Variants in OSBPL10 observed in about 807,000 individuals in gnomAD.
OSBPL10 encodes the protein oxysterol-binding protein-related protein 10.
A neutral mutation model predicts 81.7 loss-of-function variants in OSBPL10; 49 were observed. The ratio of observed to expected loss-of-function variants is 0.60; its 90% CI spans 0.48 to 0.76. OSBPL10 has a LOEUF of 0.76. OSBPL10 is among the 30% of genes least tolerant of loss of function. The pLI is 0.00. For synonymous variants in OSBPL10, 419 were observed against 383.6 expected (o/e 1.09, Z -1.08); for missense variants, 923 against 987.8 (o/e 0.93, Z 0.88).
chr3:31,805,860 G>A (rs1027889713), intron 4 of OSBPL10, among the ~76,000 whole-genome samples: 7 of 152,166 alleles, frequency 4.6e-5, no homozygotes, highest in African/African-American at 1.2e-4. Flanking sequence ...TTACAATAAC[G>A]ATGACGATGG....
chr3:31,851,778 A>AC (rs972074601), intron 3 of OSBPL10, among the ~76,000 whole-genome samples: 8 of 152,064 alleles, frequency 5.3e-5, no homozygotes, highest in African/African-American at 1.9e-4. Context: ...AAAGTTCAGA[A>AC]CCCCCTCCAT....
intron 2 of OSBPL10, among the ~76,000 whole-genome samples, chr3:32,016,894 C>T (rs1256883433): frequency 2.0e-5 from 3 of 152,072 alleles, no homozygotes; most frequent in Non-Finnish European, 2.9e-5. Context: ...AATGAGAGAC[C>T]GTATGTAAAG....
intron 4 of OSBPL10, among the ~76,000 whole-genome samples, chr3:31,820,882 T>C (rs779303622): frequency 7.2e-5 from 11 of 152,126 alleles, no homozygotes; most frequent in Non-Finnish European, 1.6e-4. Context: ...CAGTGGGAAA[T>C]CACTCATTTA....
chr3:32,003,982 A>G (rs1408513989), intron 2 of OSBPL10, among the ~76,000 whole-genome samples: 3 of 152,186 alleles, frequency 2.0e-5, no homozygotes, highest in Non-Finnish European at 4.4e-5. Flanking sequence ...AAAGTGAGAT[A>G]AAAGGAGTTG....
intron 1 of OSBPL10, among the ~76,000 whole-genome samples, chr3:31,898,471 A>AT (rs960752199): frequency 6.6e-5 from 10 of 152,084 alleles, no homozygotes; most frequent in African/African-American, 2.4e-4. Flanking sequence ...CTGGCCACAC[A>AT]TGGTGGCTCA....
chr3:31,970,560 T>G (rs936225315), intron 1 of OSBPL10, among the ~76,000 whole-genome samples: 7 of 152,212 alleles, frequency 4.6e-5, no homozygotes, highest in African/African-American at 1.7e-4. Flanking sequence ...AAATACAGTT[T>G]TATTTTTGAC....
intron 1 of OSBPL10, chr3:31,907,134 A>C (rs1696429506): frequency 6.6e-6 from 1 of 152,216 alleles, no homozygotes; most frequent in Admixed American, 6.5e-5. Flanking sequence ...ACCAGGGAGT[A>C]AAAGCAATAG....
rs1246425540 is a variant in OSBPL10, at chr3:31,740,792, AAAAG to A, written c.940+7114_940+7117del. 2.1e-4 allele frequency among the ~76,000 whole-genome samples: 31 copies of A among 148,548 alleles called. 1 individual carries two copies. Among genetic ancestry groups the A allele is most frequent in the Admixed American group, 2.7e-4 (4 of 14,992 alleles). On this transcript the variant is annotated intron_variant, in intron 5 of 11. Transcript: ENST00000396556. ...GACTCCGTATCTCAAAAAAAAGAAA[AAAAG>A]AAAGAAAGAAAGAAAAGAAAAGAAT...
At chr3:31,766,798 C>T (rs1410803046) in intron 4 of OSBPL10, among the ~76,000 whole-genome samples, 3 of 152,204 alleles carry the variant, frequency 2.0e-5, no homozygotes, top group Admixed American at 6.5e-5. Flanking sequence ...AAACTTAATG[C>T]TGGCATGACA....
intron 6 of OSBPL10, among the ~76,000 whole-genome samples, chr3:31,706,086 T>C (rs939980198): frequency 6.6e-6 from 1 of 152,204 alleles, no homozygotes; most frequent in African/African-American, 2.4e-5. Flanking sequence ...ACAATATTTC[T>C]ACCACACAAG....
chr3:31,674,315 A>C lies in OSBPL10; in HGVS notation c.1727-3332T>G, dbSNP rs142852056. On this transcript the variant is annotated intron_variant, in intron 8 of 11. Coordinates refer to ENST00000396556, the MANE Select transcript of OSBPL10 (RefSeq NM_017784.5). ...ACTCCTGTAATCCCAGCACTTTGGG[A>C]GGTGGAAGTGGGAGGATGGCTTGAG... 2.5e-4 allele frequency among the ~76,000 whole-genome samples: 38 copies of C among 152,046 alleles called. 1 individual carries two copies. In the East Asian group the frequency reaches 7.4e-3, roughly 30 times the overall value.
At chr3:31,910,711 G>A (rs956605003) in intron 1 of OSBPL10, among the ~76,000 whole-genome samples, 3 of 152,066 alleles carry the variant, frequency 2.0e-5, no homozygotes, top group Non-Finnish European at 4.4e-5. Flanking sequence ...GGACTTCTTG[G>A]CAAATGGAAT....
At chr3:31,871,879 TGCACAC>T (rs1559500001) in intron 3 of OSBPL10, among the ~76,000 whole-genome samples, 1 of 151,918 alleles carries the variant, frequency 6.6e-6, no homozygotes, top group South Asian at 2.1e-4. Flanking sequence ...CACACACACA[TGCACAC>T]GCACACACAT....
Position 31,926,289 on chromosome 3 carries a change from G to GCCC in OSBPL10, c.282-46462_282-46460dup, listed in dbSNP as rs36122261. Among the ~76,000 whole-genome samples the GCCC allele has an allele frequency of 7.7e-5, 10 of 130,110 alleles. 1 individual carries two copies. The highest frequency in any genetic ancestry group is 9.4e-5 in the Non-Finnish European group (6 of 63,686). The allele number at this position is 130,110 out of a possible 152,430, so 85.4% of individuals were successfully genotyped here. A position where few individuals can be genotyped will look rare whatever the true frequency, so the allele number is the denominator to read the frequency against. On this transcript the variant is annotated intron_variant, in intron 1 of 11. Coordinates refer to ENST00000396556, the MANE Select transcript of OSBPL10 (RefSeq NM_017784.5). ...GTGGTTCTCAACCATGGGTGATTTT[G>GCCC]CCCCCCCAGAGGATAGCTGCAATGT...
intron 6 of OSBPL10, among the ~76,000 whole-genome samples, chr3:31,719,100 A>C (rs1696551674): frequency 6.6e-6 from 1 of 152,208 alleles, no homozygotes; most frequent in Admixed American, 6.5e-5. Flanking sequence ...GGCTCATTCC[A>C]GTGGGTGTTC....
chr3:31,854,847 G>A (rs1267886181), intron 3 of OSBPL10, among the ~76,000 whole-genome samples: 4 of 152,054 alleles, frequency 2.6e-5, no homozygotes, highest in Non-Finnish European at 5.9e-5. Flanking sequence ...ACCTCTAACT[G>A]CTTCAGTGTG....
intron 2 of OSBPL10, among the ~76,000 whole-genome samples, chr3:32,008,690 C>T (rs1000060348): frequency 4.8e-5 from 7 of 147,180 alleles, no homozygotes; most frequent in East Asian, 2.0e-4. Flanking sequence ...GTCGAGGCTG[C>T]GGTAAGGCAA....
chr3:31,936,988 G>C (rs914287723), intron 1 of OSBPL10, among the ~76,000 whole-genome samples: 12 of 152,158 alleles, frequency 7.9e-5, no homozygotes, highest in African/African-American at 2.9e-4. Context: ...CAGGCCTCTA[G>C]AAAGTCAGAG....
intron 2 of OSBPL10, among the ~76,000 whole-genome samples, chr3:32,027,735 T>C (rs1699429952): frequency 6.6e-6 from 1 of 152,198 alleles, no homozygotes; most frequent in African/African-American, 2.4e-5. Flanking sequence ...CTCAAGTGAT[T>C]CCCTTGCCCA....
Sources: allele counts gnomAD v4.1 joint callset (sites outside exome capture counted in the v4.1 genomes callset), GRCh38; gene constraint gnomAD v4.1.1; transcripts MANE v1.5; gene names NCBI Gene and HGNC (gene_info 2026-07-23, HGNC 2026-07-21).